The following CSMD1 variants were observed in gnomAD, a reference collection of about 807,000 sequenced individuals.
CSMD1 encodes CUB and Sushi multiple domains 1, also known as CUB and sushi domain-containing protein 1.
A neutral mutation model predicts 417.5 loss-of-function variants in CSMD1; 213 were observed. That is an observed-to-expected ratio of 0.51 (90% CI 0.46 to 0.57). CSMD1 has a LOEUF of 0.57. Ranked by LOEUF, CSMD1 falls within the 20% of genes least tolerant of loss-of-function variation. CSMD1 has a pLI of 0.00. For synonymous variants in CSMD1, 2,862 were observed against 1,736.8 expected, an observed-to-expected ratio of 1.65 and a Z score of -16.11; for missense variants, 6,923 against 4,529.7, an observed-to-expected ratio of 1.53 and a Z score of -15.17.
At chr8:3,843,457 T>C (rs979321661) in intron 5 of CSMD1, among the ~76,000 whole-genome samples, 1 of 151,884 alleles carries the variant, frequency 6.6e-6, no homozygotes, top group Non-Finnish European at 1.5e-5. Context: ...CAGCCAAAGA[T>C]CAAAATGACA....
At chr8:3,888,962 T>C (rs944461878) in intron 5 of CSMD1, among the ~76,000 whole-genome samples, 5 of 152,224 alleles carry the variant, frequency 3.3e-5, no homozygotes, top group Non-Finnish European at 7.3e-5. Context: ...AATTGTATTA[T>C]ATTTAAAGAA....
rs146604828 is a variant in CSMD1, at chr8:3,171,425, A to G, written c.5726-9148T>C. ...CCATCTCAATCCCACTGACATGTCT[A>G]AAGTCCACTCCCCTGTGTCTAGAGC... is the stretch of plus-strand genomic sequence containing the variant. On this transcript the variant is annotated intron_variant, in intron 37 of 69. Transcript: ENST00000635120. Among the ~76,000 whole-genome samples the G allele has an allele frequency of 3.3e-5, 5 of 152,316 alleles. No homozygotes were observed. In the East Asian group the frequency reaches 7.7e-4, roughly 24 times the overall value.
chr8:4,229,665 T>C (rs747540587), intron 3 of CSMD1, among the ~76,000 whole-genome samples: 1 of 152,160 alleles, frequency 6.6e-6, no homozygotes, highest in Non-Finnish European at 1.5e-5. Flanking sequence ...ATCTTCTTAG[T>C]GAAGTTCGTT....
chr8:4,967,984 T>C (rs980836696), intron 1 of CSMD1, among the ~76,000 whole-genome samples: 1 of 152,168 alleles, frequency 6.6e-6, no homozygotes. Flanking sequence ...AGATATAACA[T>C]GGTCAGAGAT....
intron 5 of CSMD1, among the ~76,000 whole-genome samples, chr8:3,990,070 A>G (rs1814629361): frequency 6.6e-6 from 1 of 152,204 alleles, no homozygotes; most frequent in Non-Finnish European, 1.5e-5. Context: ...ACTAAAATGG[A>G]GTGGGCGCAA....
chr8:4,265,197 T>C (rs1804163245), intron 3 of CSMD1, among the ~76,000 whole-genome samples: 1 of 152,132 alleles, frequency 6.6e-6, no homozygotes, highest in African/African-American at 2.4e-5. Context: ...TAGCAAAGTG[T>C]AACAGTATTT....
chr8:3,849,234 A>T (rs1432588730), intron 5 of CSMD1, among the ~76,000 whole-genome samples: 2 of 152,152 alleles, frequency 1.3e-5, no homozygotes, highest in African/African-American at 4.8e-5. Context: ...GGAAAAGAGG[A>T]ATAAAACGAA....
intron 5 of CSMD1, among the ~76,000 whole-genome samples, chr8:3,777,672 G>A (rs920448115): frequency 4.6e-5 from 7 of 152,206 alleles, no homozygotes; most frequent in African/African-American, 1.7e-4. Context: ...TTGAAGTGCA[G>A]AGTCTCAGGA....
At chr8:4,526,850 C>A (rs192001343) in intron 2 of CSMD1, among the ~76,000 whole-genome samples, 1 of 151,912 alleles carries the variant, frequency 6.6e-6, no homozygotes, top group Admixed American at 6.6e-5. Flanking sequence ...TTTTCTCCCC[C>A]CAAGAAGACA....
chr8:3,447,496 G>C (rs543509903), intron 12 of CSMD1, among the ~76,000 whole-genome samples: 6 of 152,288 alleles, frequency 3.9e-5, no homozygotes, highest in African/African-American at 1.4e-4. Context: ...AGAGGAATGG[G>C]AAGTGCAGGC....
chr8:4,719,596 T>C (rs1563213686), intron 1 of CSMD1, among the ~76,000 whole-genome samples: 3 of 151,982 alleles, frequency 2.0e-5, no homozygotes, highest in South Asian at 2.1e-4. Context: ...CATAGAACTT[T>C]GGGATGGTAA....
chr8:4,176,626 CAG>C (rs1282521720), intron 3 of CSMD1, among the ~76,000 whole-genome samples: 1 of 131,368 alleles, frequency 7.6e-6, no homozygotes, highest in African/African-American at 2.8e-5. Context: ...ATAAAAGACA[CAG>C]ACTGGCAAAT....
chr8:4,429,638 A>C (rs773382678), intron 2 of CSMD1, among the ~76,000 whole-genome samples: 2 of 152,156 alleles, frequency 1.3e-5, no homozygotes, highest in Admixed American at 1.3e-4. Flanking sequence ...AAACGAATGC[A>C]CAGAGGAGGG....
intron 7 of CSMD1, among the ~76,000 whole-genome samples, chr8:3,679,309 A>C (rs1585063609): frequency 1.3e-5 from 2 of 152,306 alleles, no homozygotes; most frequent in South Asian, 2.1e-4. Flanking sequence ...GCAGAGACAC[A>C]CATAGGCTCA....
intron 68 of CSMD1, among the ~76,000 whole-genome samples, chr8:2,943,631 GCA>G (rs1486372980): frequency 1.3e-5 from 2 of 152,198 alleles, no homozygotes; most frequent in Non-Finnish European, 2.9e-5. Flanking sequence ...TCATGGCATG[GCA>G]CTGAGAGGAA....
chr8:3,905,500 T>C (rs1006712081), intron 5 of CSMD1, among the ~76,000 whole-genome samples: 14 of 152,214 alleles, frequency 9.2e-5, no homozygotes, highest in African/African-American at 2.9e-4. Context: ...GAAAGATCTC[T>C]GTGCACCTGC....
chr8:4,238,015 C>G (rs545853463), intron 3 of CSMD1, among the ~76,000 whole-genome samples: 6 of 152,264 alleles, frequency 3.9e-5, no homozygotes, highest in African/African-American at 1.4e-4. Flanking sequence ...GCGGGACGAA[C>G]CACATCATGT....
intron 3 of CSMD1, among the ~76,000 whole-genome samples, chr8:4,122,816 C>A (rs933527670): frequency 6.6e-6 from 1 of 152,150 alleles, no homozygotes; most frequent in African/African-American, 2.4e-5. Flanking sequence ...GATTTAATCT[C>A]CCCCTCCCTC....
chr8:3,604,546 T>C (rs568062950), intron 8 of CSMD1, among the ~76,000 whole-genome samples: 11 of 151,328 alleles, frequency 7.3e-5, no homozygotes, highest in South Asian at 2.1e-4. Context: ...GAGATATCAG[T>C]GTATGCATCT....
Sources: gnomAD v4.1 joint callset for allele counts (sites outside exome capture counted in the v4.1 genomes callset) on GRCh38, gnomAD v4.1.1 for gene constraint, MANE v1.5 for transcripts, NCBI Gene and HGNC (gene_info 2026-07-23, HGNC 2026-07-21) for gene names.